The following CDK5RAP2 variants were observed in gnomAD, a reference collection of about 807,000 sequenced individuals.
CDK5RAP2 encodes the protein CDK5 regulatory subunit associated protein 2.
A neutral mutation model predicts 232.9 loss-of-function variants in CDK5RAP2; 147 were observed. That is an observed-to-expected ratio of 0.63 (90% confidence interval 0.55 to 0.72). The LOEUF (loss-of-function observed/expected upper bound fraction) is 0.72. CDK5RAP2 is among the 30% of genes least tolerant of loss of function. The pLI, the probability that CDK5RAP2 is intolerant of heterozygous loss-of-function variation, is 0.00. For synonymous variants in CDK5RAP2, 833 were observed against 833.7 expected, an observed-to-expected ratio of 1.00 and a Z score of 0.01; for missense variants, 2,195 against 2,231.5, an observed-to-expected ratio of 0.98 and a Z score of 0.33.
rs1289366729 is a variant in CDK5RAP2 at position 120,527,892 on chromosome 9, C to T, written c.913G>A (p.Glu305Lys). 53 of 1,613,766 alleles carry T rather than the reference C, an allele frequency of 3.3e-5. No individual in the cohort carries two copies. The highest frequency in any genetic ancestry group is 4.3e-5 in the Non-Finnish European group (51 of 1,179,974). The change falls in exon 10 of 38, where the codon GAA (glutamate) becomes AAA (lysine). Residue 305 changes from glutamate to lysine, a missense_variant. By Grantham distance (56) the Glu-to-Lys change is moderately conservative. Transcript: ENST00000349780. ...CTATTTTTCTTCTCTGTAGCAATTT[C>T]TCTTTCCTTCTCTCTCAGGTCCTCT... ...LEEDLREKER[E>K]IATEKKNSLK...
rs1258874255 is a variant in CDK5RAP2 at position 120,404,194 on chromosome 9, CCCCT to C, written c.4964-85_4964-82del. On this transcript the variant is annotated intron_variant, in intron 32 of 37. Coordinates refer to ENST00000349780, the MANE Select transcript of CDK5RAP2 (RefSeq NM_018249.6). ...AGAACTGAAAGAGAATACAGTCAAG[CCCCT>C]CACATTCACTTATCCATACACACAC... 46 of 897,458 alleles carry C rather than the reference CCCCT, an allele frequency of 5.1e-5. No individual in the cohort carries two copies. The East Asian group carries it at 1.1e-3, about 22-fold the overall frequency. The allele number at this position is 897,458 out of a possible 1,614,324, so 55.6% of individuals were successfully genotyped here.
chr9:120,436,600 T>C (rs553699045), intron 25 of CDK5RAP2, among the ~76,000 whole-genome samples: 1 of 152,272 alleles, frequency 6.6e-6, no homozygotes, highest in African/African-American at 2.4e-5. Context: ...CCCTGAATTA[T>C]CTAGGGAGAA....
In CDK5RAP2 at chr9:120,467,937, T is replaced by C; in HGVS notation, c.2029A>G (p.Thr677Ala). Residue 677 changes from threonine to alanine, a missense_variant, in exon 18 of 38, where the codon ACC becomes GCC. By Grantham distance (58) the Thr-to-Ala change is moderately conservative. Transcript: ENST00000349780. Reference protein sequence around the residue: ...LYTDNQHLKKTIFDLSCMGFQ... With the variant: ...LYTDNQHLKKAIFDLSCMGFQ... ...CCCATGCAGGAGAGATCAAAAATGG[T>C]TTTCTTCAGGTGCTGGTTGTCTGTA... The C allele has an allele frequency of 6.2e-7, 1 of 1,614,128 alleles. No homozygotes were observed. Among genetic ancestry groups the C allele is most frequent in the Non-Finnish European group, 8.5e-7 (1 of 1,179,996 alleles).
Position 120,524,994 on chromosome 9 carries a change from C to T in CDK5RAP2, c.1084G>A (p.Glu362Lys). 1 of 1,613,536 alleles carries T rather than the reference C, an allele frequency of 6.2e-7. No individual in the cohort carries two copies. Among genetic ancestry groups the T allele is most frequent in the Non-Finnish European group, 8.5e-7 (1 of 1,179,462 alleles). Residue 362 changes from glutamate to lysine, a missense_variant, in exon 11 of 38, where the codon GAA becomes AAA. Glu to Lys is a moderately conservative substitution (Grantham distance 56). Coordinates refer to ENST00000349780, the MANE Select transcript of CDK5RAP2 (RefSeq NM_018249.6). Reference protein sequence around the residue: ...REALQKAQTQEFQGSEDYETA... With the variant: ...REALQKAQTQKFQGSEDYETA... ...GCCAAGTGTACACTTACCTGAAATT[C>T]CTGGGTCTGTGCTTTCTGTAGGGCC... is the stretch of plus-strand genomic sequence containing the variant.
At chr9:120,405,027 G>T (rs981405047) in intron 32 of CDK5RAP2, among the ~76,000 whole-genome samples, 3 of 152,202 alleles carry the variant, frequency 2.0e-5, no homozygotes, top group African/African-American at 7.2e-5. Context: ...ACAGAGCAAG[G>T]AAGCCTAGGG....
intron 5 of CDK5RAP2, among the ~76,000 whole-genome samples, chr9:120,545,022 G>T (rs929896562): frequency 6.6e-6 from 1 of 152,096 alleles, no homozygotes; most frequent in African/African-American, 2.4e-5. Flanking sequence ...TGTGCTTGTT[G>T]TTCAATATTT....
At chr9:120,412,951 G>A (rs1165319705) in intron 28 of CDK5RAP2, among the ~76,000 whole-genome samples, 1 of 152,134 alleles carries the variant, frequency 6.6e-6, no homozygotes, top group African/African-American at 2.4e-5. Flanking sequence ...GAGACACCTG[G>A]GTTTGAACCA....
intron 23 of CDK5RAP2, among the ~76,000 whole-genome samples, chr9:120,441,012 TGGA>T (rs1331806262): frequency 6.6e-6 from 1 of 152,074 alleles, no homozygotes; most frequent in African/African-American, 2.4e-5. Flanking sequence ...GTTTCAGAAG[TGGA>T]GTAGTACAGC....
At chr9:120,443,336 T>G (rs992928029) in intron 23 of CDK5RAP2, among the ~76,000 whole-genome samples, 2 of 152,170 alleles carry the variant, frequency 1.3e-5, no homozygotes, top group African/African-American at 4.8e-5. Context: ...TGTCTTTTCA[T>G]GTTGAACCAC....
At position 120,519,721 on chromosome 9, in the gene CDK5RAP2, T is replaced by G. The variant is rs183449700; in HGVS notation, c.1093-1076A>C. Among the ~76,000 whole-genome samples, 52 of 152,366 alleles carry G rather than the reference T, an allele frequency of 3.4e-4. 1 individual carries two copies. The highest frequency in any genetic ancestry group is 3.3e-3 in the Admixed American group (51 of 15,308). Reference sequence around the variant, plus strand: ...TAATTCTCATTTTTCTTTAAAAATCTTTGTCTTCCTTAACCTCCCTGAATA... The same window carrying G: ...TAATTCTCATTTTTCTTTAAAAATCGTTGTCTTCCTTAACCTCCCTGAATA... On this transcript the variant is annotated intron_variant, in intron 11 of 37. Coordinates refer to ENST00000349780, the MANE Select transcript of CDK5RAP2 (RefSeq NM_018249.6).
At chr9:120,472,484 G>A (rs1345954730) in intron 15 of CDK5RAP2, among the ~76,000 whole-genome samples, 1 of 152,144 alleles carries the variant, frequency 6.6e-6, no homozygotes, top group Non-Finnish European at 1.5e-5. Context: ...CTCCTGCTGT[G>A]TTACTCCTCA....
intron 1 of CDK5RAP2, among the ~76,000 whole-genome samples, chr9:120,576,024 G>T (rs1159799583): frequency 6.6e-6 from 1 of 152,244 alleles, no homozygotes; most frequent in East Asian, 1.9e-4. Flanking sequence ...TCCTTGAAAT[G>T]TTTTCTATTC....
At chr9:120,576,997 T>C (rs1314834051) in intron 1 of CDK5RAP2, among the ~76,000 whole-genome samples, 1 of 152,030 alleles carries the variant, frequency 6.6e-6, no homozygotes, top group Non-Finnish European at 1.5e-5. Context: ...TAATGCTAAG[T>C]TAAATAAACC....
intron 25 of CDK5RAP2, among the ~76,000 whole-genome samples, chr9:120,429,603 TAA>T (rs2035147469): frequency 6.6e-6 from 1 of 152,000 alleles, no homozygotes; most frequent in Non-Finnish European, 1.5e-5. Context: ...CTCAATGAAA[TAA>T]AAGAGGATAC....
rs539685033 is a variant in CDK5RAP2, at chr9:120,558,292, G to A, written c.196-7390C>T. On this transcript the variant is annotated intron_variant, in intron 3 of 37. Coordinates refer to ENST00000349780, the MANE Select transcript of CDK5RAP2 (RefSeq NM_018249.6). ...GGAGGCTGAGGCAGGAGAATGGCTTGAACCCAGGAGGCGGAGCTTGCAGTG... is the reference window on the plus strand; with the variant it reads ...GGAGGCTGAGGCAGGAGAATGGCTTAAACCCAGGAGGCGGAGCTTGCAGTG... 4.1e-5 allele frequency among the ~76,000 whole-genome samples: 5 copies of A among 122,410 alleles called. No individual in the cohort carries two copies. The East Asian group carries it at 1.1e-3, about 27-fold the overall frequency. The allele number at this position is 122,410 out of a possible 152,430, so 80.3% of individuals were successfully genotyped here.
intron 7 of CDK5RAP2, among the ~76,000 whole-genome samples, chr9:120,530,977 G>A (rs1433916958): frequency 6.6e-6 from 1 of 151,670 alleles, no homozygotes; most frequent in Non-Finnish European, 1.5e-5. Flanking sequence ...TGCATGTTGT[G>A]CACATGTACC....
At chr9:120,532,002 T>G (rs1420413560) in intron 7 of CDK5RAP2, among the ~76,000 whole-genome samples, 1 of 151,414 alleles carries the variant, frequency 6.6e-6, no homozygotes, top group South Asian at 2.1e-4. Flanking sequence ...CCAATAAAAC[T>G]GAATTTTTTT....
At chr9:120,548,515 A>T (rs7043614) in intron 4 of CDK5RAP2, among the ~76,000 whole-genome samples, 127,936 of 152,280 alleles carry the variant, frequency 0.84, 55,198 homozygotes, top group Non-Finnish European at 0.95. Context: ...TGAAACTATT[A>T]AAAAAGGCAT....
chr9:120,504,124 GA>G (rs2039702117), intron 12 of CDK5RAP2, among the ~76,000 whole-genome samples: 1 of 152,132 alleles, frequency 6.6e-6, no homozygotes, highest in African/African-American at 2.4e-5. Flanking sequence ...TTCATATCCA[GA>G]TAAGTGCTTT....
Sources: allele counts gnomAD v4.1 joint callset (sites outside exome capture counted in the v4.1 genomes callset), GRCh38; gene constraint gnomAD v4.1.1; transcripts MANE v1.5; gene names NCBI Gene and HGNC (gene_info 2026-07-23, HGNC 2026-07-21).